Variants in DROSHA observed in about 807,000 individuals in gnomAD.
DROSHA encodes drosha ribonuclease III, also known as ribonuclease 3.
DROSHA carries 56 observed loss-of-function variants against 181.9 expected under a neutral mutation model. The ratio of observed to expected loss-of-function variants is 0.31; its 90% CI spans 0.25 to 0.38. The LOEUF is 0.38. Ranked by LOEUF, DROSHA falls within the 10% of genes least tolerant of loss-of-function variation. The probability of loss-of-function intolerance (pLI) is 1.00; values close to 1 mark genes in which losing one functional copy is unlikely to be tolerated. For synonymous variants in DROSHA, 524 were observed against 591.2 expected, an observed-to-expected ratio of 0.89 and a Z score of 1.65; for missense variants, 1,218 against 1,743.5, an observed-to-expected ratio of 0.70 and a Z score of 5.37.
intron 23 of DROSHA, among the ~76,000 whole-genome samples, chr5:31,446,404 A>G (rs1039068054): frequency 1.1e-4 from 15 of 136,706 alleles, no homozygotes; most frequent in East Asian, 5.0e-4. Context: ...CCGAGATCGT[A>G]CCACTGCACT....
chr5:31,441,587 G>C (rs1229556095), intron 23 of DROSHA, among the ~76,000 whole-genome samples: 1 of 152,094 alleles, frequency 6.6e-6, no homozygotes, highest in Non-Finnish European at 1.5e-5. Context: ...TCAATACTGA[G>C]ATTTTGCTTT....
At chr5:31,428,476 T>C (rs998207486) in intron 27 of DROSHA, among the ~76,000 whole-genome samples, 3 of 152,180 alleles carry the variant, frequency 2.0e-5, no homozygotes, top group Non-Finnish European at 4.4e-5. Flanking sequence ...CATGTGTTTA[T>C]ATGTGCAGGA....
At chr5:31,482,520 G>A (rs1751149441) in intron 16 of DROSHA, among the ~76,000 whole-genome samples, 1 of 152,170 alleles carries the variant, frequency 6.6e-6, no homozygotes, top group Non-Finnish European at 1.5e-5. Flanking sequence ...ATTAATGTAG[G>A]TTGGTGGCAT....
chr5:31,501,125 C>T (rs1038214512), intron 11 of DROSHA, among the ~76,000 whole-genome samples: 5 of 152,164 alleles, frequency 3.3e-5, no homozygotes, highest in African/African-American at 1.2e-4. Context: ...GGCCATTTAC[C>T]TGGGGAGCTG....
intron 19 of DROSHA, among the ~76,000 whole-genome samples, chr5:31,465,030 G>A (rs524138): frequency 0.1 from 15,135 of 151,788 alleles, 1,422 homozygotes; most frequent in African/African-American, 0.23. Flanking sequence ...ATTAAATGGC[G>A]TATTTCAGAA....
intron 20 of DROSHA, among the ~76,000 whole-genome samples, chr5:31,452,561 G>A (rs1169104522): frequency 3.9e-5 from 6 of 152,142 alleles, no homozygotes; most frequent in Admixed American, 2.0e-4. Flanking sequence ...TCAGAACCTG[G>A]AGGATGGACC....
rs558610912 is a variant in DROSHA, at chr5:31,461,138, T to C, written c.2574+3098A>G. 5.3e-5 allele frequency among the ~76,000 whole-genome samples: 8 copies of C among 152,316 alleles called. No homozygotes were observed. The South Asian group carries it at 1.4e-3, about 28-fold the overall frequency. On this transcript the variant is annotated intron_variant, in intron 20 of 35. Coordinates refer to ENST00000344624, the MANE Select transcript of DROSHA (RefSeq NM_001382508.1). ...CAAAACAGCTTCCAAAATATATTCA[T>C]AGATGTTTGGTCATTAATGCTACAT... is the stretch of plus-strand genomic sequence containing the variant.
In DROSHA at chr5:31,466,194, C is replaced by T. The variant is rs1309052444; in HGVS notation, c.2454G>A (p.Leu818=). Residue 818 remains leucine, a synonymous_variant, in exon 19 of 36, where the codon CTG becomes CTA. Coordinates refer to ENST00000344624, the MANE Select transcript of DROSHA (RefSeq NM_001382508.1). The stretch of plus-strand genomic sequence containing the variant: ...GTTTGATACAGACCTCCCTCTGTGC[C>T]AGCTTCTGTTTGTCAGTTTGTTTGA... ...PKVKQTDKQK[L]AQREEALQKI... is the part of the protein sequence containing the mutation. 1 of 1,613,558 alleles carries T rather than the reference C, an allele frequency of 6.2e-7. No homozygotes were observed.
intron 15 of DROSHA, 76 bp downstream of exon 15, chr5:31,484,805 C>T: frequency 9.1e-7 from 1 of 1,103,906 alleles, no homozygotes; most frequent in Non-Finnish European, 1.3e-6. Context: ...CTCCCTACAA[C>T]TTTTATAAGA....
intron 23 of DROSHA, among the ~76,000 whole-genome samples, chr5:31,443,988 GC>G (rs1745963143): frequency 6.6e-6 from 1 of 152,174 alleles, no homozygotes; most frequent in South Asian, 2.1e-4. Flanking sequence ...AAGAAAAATA[GC>G]CCCATAACAC....
chr5:31,488,253 C>G (rs1046349326), intron 13 of DROSHA, among the ~76,000 whole-genome samples: 1 of 151,818 alleles, frequency 6.6e-6, no homozygotes, highest in African/African-American at 2.4e-5. Context: ...CCCGTCTCTA[C>G]TAAAAATACA....
In DROSHA at chr5:31,483,549, T is replaced by C; in HGVS notation, c.2071+5A>G. 1 of 1,612,678 alleles carries C rather than the reference T, an allele frequency of 6.2e-7. No homozygotes were observed. Among genetic ancestry groups the C allele is most frequent in the Non-Finnish European group, 8.5e-7 (1 of 1,179,642 alleles). On this transcript the variant is annotated splice_donor_5th_base_variant and intron_variant, in intron 16 of 35. Coordinates refer to ENST00000344624, the MANE Select transcript of DROSHA (RefSeq NM_001382508.1). The stretch of plus-strand genomic sequence containing the variant: ...ACCAGGTCACTGACAAGCCAGAAGA[T>C]TTACCTGGAAGAAATCTTACAAAAC...
Position 31,464,339 on chromosome 5 carries a change from G to T in DROSHA, c.2471C>A (p.Ala824Asp). The T allele has an allele frequency of 6.2e-7, 1 of 1,612,430 alleles. No individual in the cohort carries two copies. The highest frequency in any genetic ancestry group is 1.1e-5 in the South Asian group (1 of 90,970). Residue 824 changes from alanine to aspartate, a missense_variant, in exon 20 of 36, where the codon GCC becomes GAC. Coordinates refer to ENST00000344624, the MANE Select transcript of DROSHA (RefSeq NM_001382508.1). ...ATTCTTCTGCCGTATTTTTTGGAGG[G>T]CTTCCTAGAAAAGAATTCATTATGA... ...DKQKLAQREEALQKIRQKNTM... is the reference protein window; with the variant it reads ...DKQKLAQREEDLQKIRQKNTM...
chr5:31,433,356 ATC>A (rs1744404745), intron 25 of DROSHA, among the ~76,000 whole-genome samples: 1 of 152,230 alleles, frequency 6.6e-6, no homozygotes. Flanking sequence ...TGTAAATTTC[ATC>A]TGTTTCACAA....
chr5:31,484,077 G>A (rs749390516), intron 15 of DROSHA, among the ~76,000 whole-genome samples: 2 of 152,022 alleles, frequency 1.3e-5, no homozygotes, highest in East Asian at 1.9e-4. Flanking sequence ...GCTAGAATAC[G>A]GATACTTCCA....
intron 23 of DROSHA, among the ~76,000 whole-genome samples, chr5:31,448,125 T>C (rs1333914041): frequency 6.6e-6 from 1 of 152,166 alleles, no homozygotes; most frequent in African/African-American, 2.4e-5. Context: ...GATGAACAGA[T>C]ACATAAAATA....
At chr5:31,466,450 G>A (rs1268661865) in intron 18 of DROSHA, 169 bp from the exon 19 acceptor site, 1 of 582,638 alleles carries the variant, frequency 1.7e-6, no homozygotes, top group African/African-American at 1.9e-5. Flanking sequence ...GAGGCTGAGA[G>A]TCAGGATGGA....
intron 26 of DROSHA, 145 bp downstream of exon 26, chr5:31,431,431 T>C (rs1744174466): frequency 7.1e-6 from 3 of 420,104 alleles, no homozygotes; most frequent in African/African-American, 6.9e-5. Context: ...ATAACTATAA[T>C]ATAAGGTGGT....
chr5:31,482,062 C>G (rs920033547), intron 16 of DROSHA, among the ~76,000 whole-genome samples: 1 of 152,126 alleles, frequency 6.6e-6, no homozygotes, highest in African/African-American at 2.4e-5. Context: ...GGCTCCTGCC[C>G]AAGGGAGACA....
Sources: allele counts gnomAD v4.1 joint callset (sites outside exome capture counted in the v4.1 genomes callset), GRCh38; gene constraint gnomAD v4.1.1; transcripts MANE v1.5; gene names NCBI Gene and HGNC (gene_info 2026-07-23, HGNC 2026-07-21).